SNX29: variants seen among roughly 807,000 people sequenced by gnomAD.
SNX29 encodes the protein sorting nexin-29.
SNX29 carries 78 observed loss-of-function variants against 102.1 expected under a neutral mutation model. That is an observed-to-expected ratio of 0.76 (90% CI 0.64 to 0.92). SNX29 has a LOEUF of 0.92. Among genes scored for constraint, SNX29 ranks in the 40% least tolerant of loss-of-function variants. SNX29 has a pLI of 0.00. For synonymous variants in SNX29, 580 were observed against 414.5 expected (o/e 1.40, Z -4.85); for missense variants, 1,280 against 1,061.7 (o/e 1.21, Z -2.86).
Position 12,433,048 on chromosome 16 carries a change from G to A in SNX29, c.2037+29519G>A, listed in dbSNP as rs925618443. 4.6e-5 allele frequency among the ~76,000 whole-genome samples: 7 copies of A among 152,208 alleles called. 1 individual carries two copies. In the South Asian group the frequency reaches 1.4e-3, roughly 32 times the overall value. ...CTAGGAATATGCAGAATGTGGAGCGGGTTCCTGAGTGGAAGGAGCCCCAGG... is the reference window on the plus strand; with the variant it reads ...CTAGGAATATGCAGAATGTGGAGCGAGTTCCTGAGTGGAAGGAGCCCCAGG... On this transcript the variant is annotated intron_variant, in intron 18 of 20. Transcript: ENST00000566228.
intron 15 of SNX29, among the ~76,000 whole-genome samples, chr16:12,320,371 A>G (rs918674247): frequency 1.5e-4 from 23 of 151,880 alleles, no homozygotes; most frequent in African/African-American, 4.6e-4. Flanking sequence ...TTCCTGCCGC[A>G]ATGCCTGTGC....
chr16:12,562,545 A>G (rs912630576), intron 20 of SNX29, among the ~76,000 whole-genome samples: 3 of 152,164 alleles, frequency 2.0e-5, no homozygotes, highest in African/African-American at 7.2e-5. Flanking sequence ...GCCAGGAGTC[A>G]TCTAAGACAC....
chr16:12,150,569 G>C (rs538743540), intron 13 of SNX29, among the ~76,000 whole-genome samples: 1 of 152,350 alleles, frequency 6.6e-6, no homozygotes, highest in African/African-American at 2.4e-5. Context: ...CTGCATCACA[G>C]CTTTAACAAC....
At chr16:12,324,325 C>T (rs1024588422) in intron 15 of SNX29, among the ~76,000 whole-genome samples, 2 of 152,100 alleles carry the variant, frequency 1.3e-5, no homozygotes, top group Admixed American at 6.6e-5. Context: ...CATGAAGTCC[C>T]AGGAGGACTG....
intron 15 of SNX29, among the ~76,000 whole-genome samples, chr16:12,304,039 G>A (rs766479805): frequency 6.6e-5 from 10 of 152,208 alleles, no homozygotes; most frequent in Non-Finnish European, 1.3e-4. Flanking sequence ...CATTGGTAAG[G>A]CAGTTGTTGC....
At chr16:12,285,774 G>A (rs1354690841) in intron 15 of SNX29, among the ~76,000 whole-genome samples, 1 of 152,052 alleles carries the variant, frequency 6.6e-6, no homozygotes, top group African/African-American at 2.4e-5. Flanking sequence ...TTTTTATAAG[G>A]ACTCAGGATA....
rs74700229 is a variant in SNX29 at position 12,168,297 on chromosome 16, A to T, written c.1596-31304A>T. Among the ~76,000 whole-genome samples the T allele has an allele frequency of 1.7e-3, 264 of 152,248 alleles. 11 individuals carry two copies. The East Asian group carries it at 0.048, about 27-fold the overall frequency. ...GGAGGGAGGAGCCTTTGGGGGAAGG[A>T]AAGGATGTGCAAAAGCCCAGAAGTG... On this transcript the variant is annotated intron_variant, in intron 13 of 20. Coordinates refer to ENST00000566228, the MANE Select transcript of SNX29 (RefSeq NM_032167.5).
intron 20 of SNX29, among the ~76,000 whole-genome samples, chr16:12,529,500 C>T (rs532159553): frequency 2.6e-5 from 4 of 152,222 alleles, no homozygotes; most frequent in Admixed American, 6.5e-5. Context: ...TGTCATTTAG[C>T]GCATTATTAA....
chr16:12,194,311 A>C (rs1466512687), intron 13 of SNX29, among the ~76,000 whole-genome samples: 1 of 152,240 alleles, frequency 6.6e-6, no homozygotes. Flanking sequence ...ATAGAAATAC[A>C]GTTGATGTTT....
chr16:12,029,743 C>T, intron 4 of SNX29: 1 of 370,790 alleles, frequency 2.7e-6, no homozygotes, highest in Non-Finnish European at 5.2e-6. Flanking sequence ...AGGTGTGTGC[C>T]ACCATGTCTG....
At chr16:12,536,514 C>T (rs945778882) in intron 20 of SNX29, among the ~76,000 whole-genome samples, 4 of 152,148 alleles carry the variant, frequency 2.6e-5, no homozygotes, top group African/African-American at 7.2e-5. Context: ...GGACTTCATG[C>T]CTCTATTTTC....
chr16:12,364,475 G>C (rs142284391), intron 16 of SNX29, among the ~76,000 whole-genome samples: 50 of 149,108 alleles, frequency 3.4e-4, no homozygotes, highest in African/African-American at 1.2e-3. Context: ...TTCCCCTTTG[G>C]TATAAGATGT....
At chr16:12,527,984 C>G (rs928944557) in intron 20 of SNX29, among the ~76,000 whole-genome samples, 1 of 111,080 alleles carries the variant, frequency 9.0e-6, no homozygotes, top group Non-Finnish European at 1.6e-5. Flanking sequence ...ACCACCATGC[C>G]TGGCTATTTT....
chr16:12,021,813 C>T (rs1214993305), intron 3 of SNX29, among the ~76,000 whole-genome samples: 8 of 151,348 alleles, frequency 5.3e-5, no homozygotes, highest in South Asian at 2.1e-4. Flanking sequence ...TAATCTCGAA[C>T]GTGGGTGGCA....
intron 18 of SNX29, among the ~76,000 whole-genome samples, chr16:12,439,074 G>T (rs781436509): frequency 9.2e-5 from 14 of 152,220 alleles, no homozygotes; most frequent in Non-Finnish European, 5.9e-5. Flanking sequence ...GAGAAGGAAG[G>T]CTTCCCTTCC....
chr16:12,540,951 C>T (rs1327726511), intron 20 of SNX29, among the ~76,000 whole-genome samples: 1 of 152,018 alleles, frequency 6.6e-6, no homozygotes, highest in Non-Finnish European at 1.5e-5. Flanking sequence ...GGTCAGGCTG[C>T]CTGTAGTTCA....
chr16:12,497,263 A>C (rs1597613503), intron 19 of SNX29, among the ~76,000 whole-genome samples: 1 of 152,302 alleles, frequency 6.6e-6, no homozygotes, highest in South Asian at 2.1e-4. Context: ...CTAGATAAAC[A>C]TTCCTTCATT....
chr16:12,224,917 A>G (rs1206154793), intron 14 of SNX29, among the ~76,000 whole-genome samples: 1 of 152,214 alleles, frequency 6.6e-6, no homozygotes, highest in Non-Finnish European at 1.5e-5. Flanking sequence ...GCTCAGAACC[A>G]AACCTGAGCA....
chr16:12,322,633 C>T (rs576279510), intron 15 of SNX29, among the ~76,000 whole-genome samples: 2 of 152,282 alleles, frequency 1.3e-5, no homozygotes, highest in South Asian at 4.1e-4. Flanking sequence ...CTCAAGCATC[C>T]TGTGCTGGAG....
Sources: allele counts gnomAD v4.1 joint callset (sites outside exome capture counted in the v4.1 genomes callset), GRCh38; gene constraint gnomAD v4.1.1; transcripts MANE v1.5; gene names NCBI Gene and HGNC (gene_info 2026-07-23, HGNC 2026-07-21).